Variants in CARNS1 observed in about 807,000 individuals in gnomAD.
CARNS1 encodes the protein carnosine synthase 1.
A neutral mutation model predicts 74.0 loss-of-function variants in CARNS1; 61 were observed. The ratio of observed to expected loss-of-function variants is 0.82; its 90% CI spans 0.67 to 1.02. The LOEUF (loss-of-function observed/expected upper bound fraction) is 1.02. Among genes scored for constraint, CARNS1 ranks in the 50% least tolerant of loss-of-function variants. CARNS1 has a pLI of 0.00. For missense variants in CARNS1, 1,278 were observed against 1,308.4 expected, an observed-to-expected ratio of 0.98 and a Z score of 0.36; for synonymous variants, 568 against 605.5, an observed-to-expected ratio of 0.94 and a Z score of 0.91.
chr11:67,419,298 C>A, intron 5 of CARNS1, 55 bp downstream of exon 5: 1 of 1,467,196 alleles, frequency 6.8e-7, no homozygotes. Flanking sequence ...GGATGGGACC[C>A]AGGCACGGTT....
Position 67,424,115 on chromosome 11 carries a change from C to A in CARNS1, c.2367C>A (p.Gly789=). ...AGGCAGCCTTCCGCTGTTGCCTGGG[C>A]TGCGGGTTGCTCGATGGAGTCTTCA... ...MVQAAFRCCL[G]CGLLDGVFNV... Residue 789 remains glycine (G), a synonymous_variant, in exon 10 of 10, where the codon GGC becomes GGA. Transcript: ENST00000687366. The A allele has an allele frequency of 6.2e-7, 1 of 1,613,834 alleles. No homozygotes were observed. The highest frequency in any genetic ancestry group is 2.2e-5 in the East Asian group (1 of 44,884).
In CARNS1 at chr11:67,417,556, G is replaced by T. The variant is rs998925568; in HGVS notation, c.153G>T (p.Lys51Asn). 34 of 1,388,988 alleles carry T rather than the reference G, an allele frequency of 2.4e-5. No individual in the cohort carries two copies. The African/African-American group carries it at 4.8e-4, about 20-fold the overall frequency. The allele number at this position is 1,388,988 out of a possible 1,614,324, so 86.0% of individuals were successfully genotyped here. A position where few individuals can be genotyped will look rare whatever the true frequency, so the allele number is the denominator to read the frequency against. The change falls in exon 3 of 10, where the codon AAG becomes AAT. Residue 51 changes from lysine (K) to asparagine (N), a missense_variant. Coordinates refer to ENST00000687366, the MANE Select transcript of CARNS1 (RefSeq NM_001166222.2). Reference sequence around the variant, plus strand: ...GCCAGGACGTGGGCCTGGACTGCAAGGGATCCCCCGAGGGGGCCGAGGCCC... The same window carrying T: ...GCCAGGACGTGGGCCTGGACTGCAATGGATCCCCCGAGGGGGCCGAGGCCC... ...SWRQDVGLDC[K>N]GSPEGAEARA...
At chr11:67,422,618 C>T (rs996671056) in intron 9 of CARNS1, among the ~76,000 whole-genome samples, 6 of 152,182 alleles carry the variant, frequency 3.9e-5, no homozygotes, top group East Asian at 1.9e-4. Flanking sequence ...TGAGCCACTG[C>T]GCACAGCCAA....
intron 7 of CARNS1, 60 bp downstream of exon 7, chr11:67,419,898 T>C: frequency 6.6e-7 from 1 of 1,522,522 alleles, no homozygotes; most frequent in Non-Finnish European, 8.9e-7. Context: ...CCAGTCCCAG[T>C]AGTGGTTTGC....
chr11:67,417,347 G>A (rs1863567616), intron 2 of CARNS1, 60 bp from the exon 3 acceptor site: 9 of 1,288,278 alleles, frequency 7.0e-6, no homozygotes, highest in Non-Finnish European at 8.9e-6. Context: ...TACACCCTTG[G>A]GTGACTTAAT....
intron 7 of CARNS1, 49 bp from the exon 8 acceptor site, chr11:67,420,560 T>TG (rs1863667835): frequency 8.7e-7 from 1 of 1,147,970 alleles, no homozygotes; most frequent in Non-Finnish European, 1.1e-6. Context: ...GGGGTGTGCG[T>TG]GGGGGGCAGG....
intron 2 of CARNS1, 76 bp downstream of exon 2, chr11:67,416,278 C>A: frequency 1.3e-6 from 2 of 1,536,106 alleles, no homozygotes; most frequent in Non-Finnish European, 1.7e-6. Context: ...CAGCAGGCAG[C>A]ACCTAGGACC....
At chr11:67,417,341 C>G in intron 2 of CARNS1, 66 bp from the exon 3 acceptor site, 1 of 1,288,100 alleles carries the variant, frequency 7.8e-7, no homozygotes, top group Non-Finnish European at 9.8e-7. Context: ...GGGGCTTACA[C>G]CCTTGGGTGA....
chr11:67,416,870 T>C, intron 2 of CARNS1: 12 of 986,430 alleles, frequency 1.2e-5, no homozygotes, highest in Non-Finnish European at 1.4e-5. Flanking sequence ...AGCCCAGGGC[T>C]GGGCACACAG....
Position 67,420,767 on chromosome 11 carries a change from C to A in CARNS1, c.1272C>A (p.Ala424=). 8.1e-7 allele frequency: 1 copy of A among 1,240,594 alleles called. No individual in the cohort carries two copies. Among genetic ancestry groups the A allele is most frequent in the Non-Finnish European group, 1.0e-6 (1 of 995,208 alleles). The allele number at this position is 1,240,594 out of a possible 1,614,324, so 76.8% of individuals were successfully genotyped here. The change falls in exon 8 of 10, where the codon GCC becomes GCA. Residue 424 remains alanine, a synonymous_variant. Transcript: ENST00000687366. ...RVKAAAEAAL[A]AVLALEAGLS... is the part of the protein sequence containing the mutation. ...AGGCGGCGGCCGAGGCCGCGCTGGC[C>A]GCCGTGCTGGCTCTGGAGGCCGGCC...
rs199710256 is a variant in CARNS1, at chr11:67,419,703, G to A, written c.1027+42G>A. The A allele has an allele frequency of 6.3e-6, 10 of 1,588,068 alleles. No homozygotes were observed. In the African/African-American group the frequency reaches 9.4e-5, roughly 15 times the overall value. ...CTGACCAGGGATGGGAGTTTGGTGT[G>A]GCCTTCTGGCCACTCTGTGCTGGCC... On this transcript the variant is annotated intron_variant, in intron 6 of 9. Coordinates refer to ENST00000687366, the MANE Select transcript of CARNS1 (RefSeq NM_001166222.2).
rs748450496 is a variant in CARNS1, at chr11:67,424,020, C to T, written c.2272C>T (p.Pro758Ser). 3.7e-6 allele frequency: 6 copies of T among 1,612,884 alleles called. No individual in the cohort carries two copies. The Admixed American group carries it at 1.0e-4, about 27-fold the overall frequency. ...CTCCGACAATGGCCCTACGAGGCTG[C>T]CTGGCTTCACTGAGACGGCGGCCTG... ...FVSDNGPTRL[P>S]GFTETAACMP... Residue 758 changes from proline to serine, a missense_variant, in exon 10 of 10, where the codon CCT becomes TCT. Pro to Ser is a moderately conservative substitution (Grantham distance 74). This residue lies in a region of CARNS1 where 1,164 missense variants were observed against 1,156.5 expected (regional missense o/e 1.01). Transcript: ENST00000687366.
At chr11:67,416,307 C>A (rs1863543641) in intron 2 of CARNS1, 105 bp downstream of exon 2, 24 of 1,529,080 alleles carry the variant, frequency 1.6e-5, no homozygotes, top group Non-Finnish European at 2.1e-5. Context: ...GGAGTTGCCC[C>A]CTGCAGACAG....
chr11:67,421,818 C>T (rs1863713428), intron 9 of CARNS1, among the ~76,000 whole-genome samples: 1 of 152,142 alleles, frequency 6.6e-6, no homozygotes, highest in Non-Finnish European at 1.5e-5. Flanking sequence ...GCCTCGACTT[C>T]CTGGGCTGAA....
At chr11:67,416,239 G>A (rs1249783613) in intron 2 of CARNS1, 37 bp downstream of exon 2, 1 of 1,536,978 alleles carries the variant, frequency 6.5e-7, no homozygotes, top group Non-Finnish European at 8.7e-7. Context: ...CAAGGCCCAA[G>A]TCCCTGGGCA....
At position 67,416,244 on chromosome 11, in the gene CARNS1, T is replaced by C. The variant is rs1483000636; in HGVS notation, c.3+42T>C. Reference sequence around the variant, plus strand: ...CCCTCCCCCACAAGGCCCAAGTCCCTGGGCAGAGAGTGGGCCCAGAGGACA... The same window carrying C: ...CCCTCCCCCACAAGGCCCAAGTCCCCGGGCAGAGAGTGGGCCCAGAGGACA... On this transcript the variant is annotated intron_variant, in intron 2 of 9. Coordinates refer to ENST00000687366, the MANE Select transcript of CARNS1 (RefSeq NM_001166222.2). The C allele has an allele frequency of 3.9e-6, 6 of 1,536,906 alleles. No homozygotes were observed. In the East Asian group the frequency reaches 1.2e-4, roughly 31 times the overall value.
At position 67,419,250 on chromosome 11, in the gene CARNS1, G is replaced by A; in HGVS notation, c.852+7G>A. 6.8e-7 allele frequency: 1 copy of A among 1,470,870 alleles called. No individual in the cohort carries two copies. 91.1% of individuals were successfully genotyped at this position (1,470,870 alleles called of 1,614,324 possible). A position where few individuals can be genotyped will look rare whatever the true frequency, so the allele number is the denominator to read the frequency against. ...CCTGGGTGATATCCTGCAGGTAACA[G>A]ACTCTCGCCCACCCTGAGGTCTGTA... is the stretch of plus-strand genomic sequence containing the variant. On this transcript the variant is annotated splice_region_variant and intron_variant, in intron 5 of 9. Transcript: ENST00000687366.
At chr11:67,421,368 G>C in intron 9 of CARNS1, 149 bp downstream of exon 9, 2 of 946,820 alleles carry the variant, frequency 2.1e-6, no homozygotes, top group Non-Finnish European at 2.9e-6. Flanking sequence ...TCCTGGCCAG[G>C]TACAAGTAAG....
chr11:67,416,490 A>C, intron 2 of CARNS1: 1 of 1,302,302 alleles, frequency 7.7e-7, no homozygotes, highest in Non-Finnish European at 9.8e-7. Context: ...CCCAGGCATG[A>C]GGCCCAGTCC....
Sources: allele counts gnomAD v4.1 joint callset (sites outside exome capture counted in the v4.1 genomes callset), GRCh38; gene constraint gnomAD v4.1.1; regional missense constraint gnomAD v4.1.1; transcripts MANE v1.5; gene names NCBI Gene and HGNC (gene_info 2026-07-23, HGNC 2026-07-21).